The following KLF8 variants were observed in gnomAD, a reference collection of about 807,000 sequenced individuals.
The protein encoded by KLF8 is Krueppel-like factor 8.
In KLF8, 10 loss-of-function variants were observed where a neutral mutation model predicts 18.2. That is an observed-to-expected ratio of 0.55 (90% confidence interval 0.34 to 0.93). KLF8 has a LOEUF of 0.93. Among genes scored for constraint, KLF8 ranks in the 40% least tolerant of loss-of-function variants. KLF8 has a pLI of 0.02. For synonymous variants in KLF8, 109 were observed against 97.3 expected (o/e 1.12, Z -0.71); for missense variants, 264 against 277.9 (o/e 0.95, Z 0.36).
the KLF8 span, among the ~76,000 whole-genome samples, chrX:55,922,762 G>A: frequency 7.2e-5 from 8 of 111,832 alleles, no homozygotes; most frequent in Admixed American, 5.7e-4. Flanking sequence ...AATGGAAATC[G>A]AAACCACAGT....
chrX:56,135,557 G>T, the KLF8 span, among the ~76,000 whole-genome samples: 2 of 110,568 alleles, frequency 1.8e-5, no homozygotes, highest in African/African-American at 3.3e-5. Context: ...GTTGTGGGGT[G>T]GGGGACGGGA....
At chrX:56,165,328 C>A in the KLF8 span, among the ~76,000 whole-genome samples, 2 of 112,219 alleles carry the variant, frequency 1.8e-5, no homozygotes, top group African/African-American at 6.5e-5. Context: ...CACAGCACAG[C>A]TGCTCTGCAA....
At chrX:56,149,216 A>G in the KLF8 span, among the ~76,000 whole-genome samples, 2 of 111,839 alleles carry the variant, frequency 1.8e-5, no homozygotes, top group Non-Finnish European at 3.8e-5. Context: ...CCTGATGTCT[A>G]TATCTATGTC....
chrX:56,186,798 G>A, the KLF8 span, among the ~76,000 whole-genome samples: 3 of 112,105 alleles, frequency 2.7e-5, no homozygotes, highest in Non-Finnish European at 5.6e-5. Context: ...ACGAAATGAA[G>A]TCAGAAGTAA....
At chrX:55,940,503 A>G in the KLF8 span, among the ~76,000 whole-genome samples, 2 of 111,958 alleles carry the variant, frequency 1.8e-5, no homozygotes, top group Non-Finnish European at 3.8e-5. Flanking sequence ...CTCCTATTCA[A>G]CATAGTGTTG....
the KLF8 span, among the ~76,000 whole-genome samples, chrX:55,999,285 A>ATGTTTTTTTTTTTTTTTTT: frequency 3.0e-5 from 1 of 33,574 alleles, no homozygotes; most frequent in Admixed American, 2.3e-4. Flanking sequence ...ATGCCTCCAG[A>ATGTTTTTTTTTTTTTTTTT]TTTTTTTTTT....
chrX:56,189,150 C>T, the KLF8 span, among the ~76,000 whole-genome samples: 1 of 111,373 alleles, frequency 9.0e-6, no homozygotes, highest in African/African-American at 3.3e-5. Context: ...CCAGAATCTA[C>T]AAGAACTCCA....
chrX:56,121,184 T>TC, the KLF8 span, among the ~76,000 whole-genome samples: 2 of 55,017 alleles, frequency 3.6e-5, no homozygotes, highest in Non-Finnish European at 5.3e-5. Flanking sequence ...AGACTCCGTC[T>TC]CAAAAAAAAA....
chrX:56,058,291 T>TAC, the KLF8 span, among the ~76,000 whole-genome samples: 44 of 21,121 alleles, frequency 2.1e-3, no homozygotes, highest in African/African-American at 4.7e-3. Flanking sequence ...TATATATATA[T>TAC]ATATATATAT....
the KLF8 span, among the ~76,000 whole-genome samples, chrX:56,005,495 T>A: frequency 9.0e-6 from 1 of 111,626 alleles, no homozygotes; most frequent in Non-Finnish European, 1.9e-5. Flanking sequence ...CTGGTCTCCA[T>A]GTGCATGATT....
the KLF8 span, among the ~76,000 whole-genome samples, chrX:56,183,760 G>A: frequency 8.9e-6 from 1 of 111,939 alleles, no homozygotes; most frequent in Non-Finnish European, 1.9e-5. Flanking sequence ...ACAAAACAGA[G>A]AACAAATGAC....
the KLF8 span, among the ~76,000 whole-genome samples, chrX:55,986,320 T>A: frequency 2.7e-5 from 3 of 112,324 alleles, no homozygotes; most frequent in East Asian, 8.3e-4. Flanking sequence ...TTTCAAAACC[T>A]ACTTTATTGA....
chrX:56,055,576 A>T, the KLF8 span, among the ~76,000 whole-genome samples: 1 of 111,380 alleles, frequency 9.0e-6, no homozygotes, highest in East Asian at 2.8e-4. Flanking sequence ...TTTTACTGGG[A>T]TTCTCTGCAT....
the KLF8 span, among the ~76,000 whole-genome samples, chrX:56,053,557 T>TTTTTG: frequency 9.6e-3 from 1,021 of 105,937 alleles, 24 homozygotes; most frequent in African/African-American, 0.033. Flanking sequence ...TTTTTTTTTT[T>TTTTTG]GGGGAATAGT....
At chrX:56,283,704 T>C (rs764102450) in intron 5 of KLF8, among the ~76,000 whole-genome samples, 2 of 112,301 alleles carry the variant, frequency 1.8e-5, no homozygotes, top group Non-Finnish European at 3.8e-5. Flanking sequence ...TGGTAGGAGA[T>C]ATTAGAGGAA....
the KLF8 span, among the ~76,000 whole-genome samples, chrX:56,159,315 C>T: frequency 6.3e-4 from 70 of 111,882 alleles, no homozygotes; most frequent in African/African-American, 2.1e-3. Flanking sequence ...ATTTTAGCAT[C>T]GATGTTCATC....
chrX:55,927,994 T>G, the KLF8 span, among the ~76,000 whole-genome samples: 3 of 111,988 alleles, frequency 2.7e-5, no homozygotes, highest in Non-Finnish European at 5.6e-5. Context: ...TATTTTGAGT[T>G]TTCTCAATAT....
In KLF8 at chrX:56,289,938, C is replaced by T. The variant is rs946774194; in HGVS notation, c.*5444C>T. Among the ~76,000 whole-genome samples the T allele has an allele frequency of 2.7e-5, 3 of 111,634 alleles. No homozygotes were observed. The highest frequency in any genetic ancestry group is 5.7e-5 in the Non-Finnish European group (3 of 53,076). ...CCAAAAAGTTTTCTCATGAACCAAA[C>T]CATCAAGAATGTACCTAACCTTAAA... is the stretch of plus-strand genomic sequence containing the variant. On this transcript the variant is annotated 3_prime_UTR_variant, in exon 6 of 6. Transcript: ENST00000468660.
chrX:56,000,205 G>T, the KLF8 span, among the ~76,000 whole-genome samples: 1 of 110,737 alleles, frequency 9.0e-6, no homozygotes, highest in African/African-American at 3.3e-5. Flanking sequence ...CTTAATCATG[G>T]TGAATTATTT....
Sources: allele counts gnomAD v4.1 joint callset (sites outside exome capture counted in the v4.1 genomes callset), GRCh38; gene constraint gnomAD v4.1.1; transcripts MANE v1.5; gene names NCBI Gene and HGNC (gene_info 2026-07-23, HGNC 2026-07-21).